Variants in SLIT3 observed in about 807,000 individuals in gnomAD.
SLIT3 encodes the protein slit homolog 3 protein.
A neutral mutation model predicts 184.0 loss-of-function variants in SLIT3; 68 were observed. The observed-to-expected ratio is 0.37, with a 90% CI of 0.30 to 0.45. SLIT3 has a LOEUF of 0.45. Among genes scored for constraint, SLIT3 ranks in the 20% least tolerant of loss-of-function variants. SLIT3 has a pLI of 1.00. For synonymous variants in SLIT3, 831 were observed against 828.6 expected (o/e 1.00, Z -0.05); for missense variants, 1,707 against 2,026.0 (o/e 0.84, Z 3.02).
intron 4 of SLIT3, among the ~76,000 whole-genome samples, chr5:169,079,819 A>AGGAGGGAGGGAGGAGGAGGAG (rs1554096283): frequency 6.1e-5 from 1 of 16,342 alleles, no homozygotes; most frequent in Non-Finnish European, 9.7e-5. Context: ...GGGGAAGAGG[A>AGGAGGGAGGGAGGAGGAGGAG]GGAGGGAGGA....
intron 4 of SLIT3, among the ~76,000 whole-genome samples, chr5:169,096,071 C>T (rs765856726): frequency 2.0e-5 from 3 of 152,164 alleles, no homozygotes; most frequent in Non-Finnish European, 4.4e-5. Flanking sequence ...TATGCATTTG[C>T]ATAATTACAT....
chr5:169,265,446 A>G (rs1766360912), intron 1 of SLIT3, among the ~76,000 whole-genome samples: 1 of 152,230 alleles, frequency 6.6e-6, no homozygotes, highest in Admixed American at 6.5e-5. Flanking sequence ...TGCATAAGGT[A>G]CATGCCTGCA....
intron 3 of SLIT3, among the ~76,000 whole-genome samples, chr5:169,217,040 A>T (rs1764457902): frequency 6.6e-6 from 1 of 151,592 alleles, no homozygotes; most frequent in Non-Finnish European, 1.5e-5. Flanking sequence ...GGTTCAATCC[A>T]CAGCTTGGCC....
chr5:168,819,027 C>T (rs1356792949), intron 7 of SLIT3, among the ~76,000 whole-genome samples: 3 of 151,968 alleles, frequency 2.0e-5, no homozygotes, highest in Admixed American at 2.0e-4. Flanking sequence ...TTTTGCATTT[C>T]CCAGTGGGTT....
At chr5:168,749,668 C>A in intron 18 of SLIT3, 33 bp from the exon 19 acceptor site, 1 of 1,612,622 alleles carries the variant, frequency 6.2e-7, no homozygotes, top group Non-Finnish European at 8.5e-7. Flanking sequence ...AGCCTCCATC[C>A]TTCTACTGTG....
chr5:168,666,968 C>T (rs1174308091), intron 35 of SLIT3, among the ~76,000 whole-genome samples: 1 of 152,158 alleles, frequency 6.6e-6, no homozygotes, highest in Non-Finnish European at 1.5e-5. Flanking sequence ...AAAGTCAAAA[C>T]TAAAACTAGA....
intron 4 of SLIT3, among the ~76,000 whole-genome samples, chr5:168,908,441 AT>A (rs1761150117): frequency 6.6e-6 from 1 of 152,102 alleles, no homozygotes; most frequent in South Asian, 2.1e-4. Flanking sequence ...ATGAATTGTG[AT>A]GTCAAGACGG....
chr5:168,814,042 C>T (rs1757249874), intron 8 of SLIT3, among the ~76,000 whole-genome samples: 1 of 152,052 alleles, frequency 6.6e-6, no homozygotes, highest in Non-Finnish European at 1.5e-5. Flanking sequence ...TGAATTTCTC[C>T]TCTTGTGGTT....
chr5:168,961,882 G>GTGTGTGTA (rs1279117152), intron 4 of SLIT3, among the ~76,000 whole-genome samples: 110 of 151,936 alleles, frequency 7.2e-4, no homozygotes, highest in Middle Eastern at 3.4e-3. Flanking sequence ...GTGTGTGTGT[G>GTGTGTGTA]TGTATGTGTG....
intron 4 of SLIT3, among the ~76,000 whole-genome samples, chr5:168,946,507 T>C (rs999964722): frequency 2.0e-5 from 3 of 152,236 alleles, no homozygotes; most frequent in African/African-American, 7.2e-5. Flanking sequence ...GGGATTCTCA[T>C]GGTCCCATAG....
intron 3 of SLIT3, among the ~76,000 whole-genome samples, chr5:169,223,086 T>A (rs2113534851): frequency 6.6e-6 from 1 of 151,926 alleles, no homozygotes; most frequent in Middle Eastern, 3.4e-3. Flanking sequence ...TCAGTCCGGA[T>A]TTTTTTTTCC....
At chr5:168,721,689 A>G (rs139558140) in intron 23 of SLIT3, among the ~76,000 whole-genome samples, 1 of 152,324 alleles carries the variant, frequency 6.6e-6, no homozygotes, top group East Asian at 1.9e-4. Flanking sequence ...GAAATCTGAT[A>G]TTTAAATGTT....
intron 1 of SLIT3, among the ~76,000 whole-genome samples, chr5:169,274,141 C>G (rs1400113956): frequency 1.3e-5 from 2 of 152,220 alleles, no homozygotes; most frequent in Non-Finnish European, 2.9e-5. Context: ...CCTACTGAGT[C>G]AGATCCTTTG....
At chr5:168,878,689 T>A (rs1759831262) in intron 5 of SLIT3, among the ~76,000 whole-genome samples, 1 of 151,180 alleles carries the variant, frequency 6.6e-6, no homozygotes, top group Non-Finnish European at 1.5e-5. Flanking sequence ...TAATTTTATG[T>A]GGAAAATGTG....
intron 4 of SLIT3, among the ~76,000 whole-genome samples, chr5:169,113,715 G>A (rs1462419948): frequency 1.3e-5 from 2 of 149,180 alleles, no homozygotes; most frequent in African/African-American, 5.0e-5. Flanking sequence ...GAGTGCAGTG[G>A]CTCGATCACG....
At chr5:168,861,270 C>T (rs1408217785) in intron 5 of SLIT3, among the ~76,000 whole-genome samples, 4 of 151,822 alleles carry the variant, frequency 2.6e-5, no homozygotes, top group East Asian at 1.9e-4. Context: ...CCCCATCCCA[C>T]GACAGGCCCC....
chr5:169,283,401 A>G (rs1194253756), intron 1 of SLIT3, among the ~76,000 whole-genome samples: 1 of 152,192 alleles, frequency 6.6e-6, no homozygotes, highest in Non-Finnish European at 1.5e-5. Context: ...ATTATGTCCA[A>G]TCTCCTTGTT....
At chr5:169,239,026 A>G (rs997187755) in intron 3 of SLIT3, among the ~76,000 whole-genome samples, 1 of 152,134 alleles carries the variant, frequency 6.6e-6, no homozygotes, top group African/African-American at 2.4e-5. Flanking sequence ...ATACCACAAC[A>G]GTCTTGAAAC....
At chr5:169,034,969 A>T (rs1394808256) in intron 4 of SLIT3, among the ~76,000 whole-genome samples, 1 of 146,698 alleles carries the variant, frequency 6.8e-6, no homozygotes, top group Non-Finnish European at 1.5e-5. Context: ...TTTGGTAGAG[A>T]CGGGGTTTTG....
Sources: gnomAD v4.1 joint callset for allele counts (sites outside exome capture counted in the v4.1 genomes callset) on GRCh38, gnomAD v4.1.1 for gene constraint, MANE v1.5 for transcripts, NCBI Gene and HGNC (gene_info 2026-07-23, HGNC 2026-07-21) for gene names.